AMMECR1: variants seen among roughly 807,000 people sequenced by gnomAD.
AMMECR1 encodes nuclear protein AMMECR1.
In AMMECR1, 3 loss-of-function variants were observed where a neutral mutation model predicts 22.5. That is an observed-to-expected ratio of 0.13 (90% confidence interval 0.06 to 0.35). The LOEUF (loss-of-function observed/expected upper bound fraction) is 0.35, where lower values mean the gene tolerates loss of function less well. Ranked by LOEUF, AMMECR1 falls within the 10% of genes least tolerant of loss-of-function variation. The pLI is 1.00. For synonymous variants in AMMECR1, 130 were observed against 116.7 expected (o/e 1.11, Z -0.74); for missense variants, 235 against 278.7 (o/e 0.84, Z 1.12).
At chrX:110,293,165 A>C (rs2067917760) in intron 1 of AMMECR1, among the ~76,000 whole-genome samples, 1 of 112,493 alleles carries the variant, frequency 8.9e-6, no homozygotes, top group Non-Finnish European at 1.9e-5. Context: ...GTAAAGATAC[A>C]CAAGAAATTG....
At chrX:110,230,175 G>C (rs2067556624) in intron 2 of AMMECR1, among the ~76,000 whole-genome samples, 1 of 112,706 alleles carries the variant, frequency 8.9e-6, no homozygotes, top group Admixed American at 9.3e-5. Context: ...CAGCGTTTGA[G>C]ATCTGAGAAC....
At chrX:110,328,991 G>T (rs940911685) in intron 2 of AMMECR1, among the ~76,000 whole-genome samples, 4 of 112,461 alleles carry the variant, frequency 3.6e-5, no homozygotes, top group Admixed American at 9.4e-5. Context: ...CCAGTAATGG[G>T]ATTGCTCAGT....
intron 2 of AMMECR1, among the ~76,000 whole-genome samples, chrX:110,412,317 T>C (rs899167206): frequency 1.8e-5 from 2 of 112,640 alleles, no homozygotes; most frequent in African/African-American, 6.5e-5. Flanking sequence ...GATGTTCATT[T>C]AAACATTATT....
intron 2 of AMMECR1, among the ~76,000 whole-genome samples, chrX:110,417,334 C>T (rs1407240915): frequency 8.9e-6 from 1 of 112,133 alleles, no homozygotes; most frequent in Admixed American, 9.4e-5. Flanking sequence ...GTTTTCAATT[C>T]AATTCAACAA....
At chrX:110,206,507 CAA>C (rs1170811356) in intron 3 of AMMECR1, among the ~76,000 whole-genome samples, 1 of 112,096 alleles carries the variant, frequency 8.9e-6, no homozygotes, top group Non-Finnish European at 1.9e-5. Flanking sequence ...AGCAGCACTA[CAA>C]AAGAGTCTCA....
chrX:110,393,221 A>G (rs2068506646), intron 2 of AMMECR1, among the ~76,000 whole-genome samples: 1 of 111,732 alleles, frequency 8.9e-6, no homozygotes, highest in African/African-American at 3.3e-5. Flanking sequence ...ATTTTGGACC[A>G]CTTAACTTCC....
At chrX:110,229,024 G>A (rs2067548480) in intron 2 of AMMECR1, among the ~76,000 whole-genome samples, 1 of 112,247 alleles carries the variant, frequency 8.9e-6, no homozygotes. Context: ...ATTGTTCAGG[G>A]CAAGATAATC....
intron 1 of AMMECR1, among the ~76,000 whole-genome samples, chrX:110,428,106 C>T (rs182434153): frequency 8.9e-6 from 1 of 112,427 alleles, no homozygotes; most frequent in Admixed American, 9.4e-5. Flanking sequence ...AGGATCCCCA[C>T]CTGGCACACA....
intron 2 of AMMECR1, among the ~76,000 whole-genome samples, chrX:110,228,361 G>A (rs756694821): frequency 3.6e-4 from 40 of 111,132 alleles, no homozygotes; most frequent in African/African-American, 1.2e-3. Context: ...AGCTAGAAGC[G>A]CTTAGAGATC....
intron 2 of AMMECR1, among the ~76,000 whole-genome samples, chrX:110,407,847 G>A (rs2068613788): frequency 8.9e-6 from 1 of 112,557 alleles, no homozygotes; most frequent in Admixed American, 9.4e-5. Context: ...ATATCAGAAG[G>A]GGATCTAGCT....
chrX:110,370,867 T>C (rs1257354258), intron 2 of AMMECR1, among the ~76,000 whole-genome samples: 2 of 112,266 alleles, frequency 1.8e-5, no homozygotes, highest in African/African-American at 6.5e-5. Flanking sequence ...CTTGCAAATA[T>C]AAAAATTTGG....
At chrX:110,418,257 T>G (rs1602989978) in intron 2 of AMMECR1, among the ~76,000 whole-genome samples, 1 of 112,469 alleles carries the variant, frequency 8.9e-6, no homozygotes, top group South Asian at 3.7e-4. Context: ...GGTTCTTATT[T>G]TTTTAATTAA....
intron 2 of AMMECR1, among the ~76,000 whole-genome samples, chrX:110,357,713 G>A (rs973179607): frequency 7.1e-5 from 8 of 111,922 alleles, no homozygotes; most frequent in Admixed American, 4.7e-4. Flanking sequence ...ATAACTATAG[G>A]AGGGAAATCC....
chrX:110,236,235 G>A (rs1241590782), intron 2 of AMMECR1, among the ~76,000 whole-genome samples: 1 of 111,829 alleles, frequency 8.9e-6, no homozygotes, highest in African/African-American at 3.3e-5. Flanking sequence ...ATACATCCAG[G>A]AGCATGCTAC....
chrX:110,384,568 C>T (rs1350113722), intron 2 of AMMECR1, among the ~76,000 whole-genome samples: 1 of 111,387 alleles, frequency 9.0e-6, no homozygotes, highest in African/African-American at 3.3e-5. Context: ...ATGAACCCAG[C>T]CATTTTCTGG....
intron 1 of AMMECR1, among the ~76,000 whole-genome samples, chrX:110,431,966 C>G (rs368283302): frequency 6.2e-5 from 7 of 112,011 alleles, no homozygotes; most frequent in African/African-American, 2.0e-4. Context: ...CTCATGGAGT[C>G]ATTACAGCCT....
Position 110,264,474 on chromosome X carries a change from A to C in AMMECR1, c.584+15T>G. On this transcript the variant is annotated intron_variant, in intron 2 of 5. Transcript: ENST00000262844. The stretch of plus-strand genomic sequence containing the variant: ...TTTTAATGTAAAAGCAGAGGTAACA[A>C]AAATTGGTCTTCACCTGGTAAGTGT... 9.2e-7 allele frequency: 1 copy of C among 1,089,116 alleles called. No homozygotes were observed. Among genetic ancestry groups the C allele is most frequent in the Non-Finnish European group, 1.2e-6 (1 of 803,793 alleles). The allele number at this position is 1,089,116 out of a possible 1,213,427, so 89.8% of individuals were successfully genotyped here.
At chrX:110,228,389 C>A (rs2067544762) in intron 2 of AMMECR1, among the ~76,000 whole-genome samples, 1 of 111,432 alleles carries the variant, frequency 9.0e-6, no homozygotes, top group African/African-American at 3.3e-5. Flanking sequence ...CTACATCCTT[C>A]ATTTGATTTT....
chrX:110,292,524 T>C (rs1166014299), intron 1 of AMMECR1, among the ~76,000 whole-genome samples: 2 of 112,225 alleles, frequency 1.8e-5, no homozygotes, highest in Non-Finnish European at 3.8e-5. Context: ...GGAATATTAC[T>C]CAGCACTAAA....
Sources: gnomAD v4.1 joint callset for allele counts (sites outside exome capture counted in the v4.1 genomes callset) on GRCh38, gnomAD v4.1.1 for gene constraint, MANE v1.5 for transcripts, NCBI Gene and HGNC (gene_info 2026-07-23, HGNC 2026-07-21) for gene names.